TMEM260: variants seen among roughly 807,000 people sequenced by gnomAD.
TMEM260 encodes protein O-mannosyl-transferase TMEM260.
TMEM260 carries 82 observed loss-of-function variants against 88.9 expected under a neutral mutation model. The ratio of observed to expected loss-of-function variants is 0.92; its 90% CI spans 0.77 to 1.11. The LOEUF (loss-of-function observed/expected upper bound fraction) is 1.11, where lower values mean the gene tolerates loss of function less well. Ranked by LOEUF, TMEM260 falls within the 50% of genes least tolerant of loss-of-function variation. The pLI, the probability that TMEM260 is intolerant of heterozygous loss-of-function variation, is 0.00. For missense variants in TMEM260, 902 were observed against 853.4 expected, an observed-to-expected ratio of 1.06 and a Z score of -0.71; for synonymous variants, 314 against 309.3, an observed-to-expected ratio of 1.02 and a Z score of -0.16.
chr14:56,650,327 C>G (rs1890181356), downstream of TMEM260: 1 of 281,920 alleles, frequency 3.5e-6, no homozygotes, highest in Non-Finnish European at 7.0e-6. Flanking sequence ...CGCCCTGGCA[C>G]CAAGGCTGGC....
At chr14:56,644,988 G>C (rs1275096684) in intron 15 of TMEM260, among the ~76,000 whole-genome samples, 1 of 151,758 alleles carries the variant, frequency 6.6e-6, no homozygotes, top group African/African-American at 2.4e-5. Flanking sequence ...AAAAAGTCAG[G>C]AAACAACAGG....
At chr14:56,602,255 A>AT (rs1886623949) in intron 3 of TMEM260, among the ~76,000 whole-genome samples, 1 of 152,182 alleles carries the variant, frequency 6.6e-6, no homozygotes, top group Admixed American at 6.6e-5. Flanking sequence ...AAGAAGTAGG[A>AT]TTTAAATAAA....
At chr14:56,602,117 C>G (rs1044035656) in intron 3 of TMEM260, among the ~76,000 whole-genome samples, 4 of 151,946 alleles carry the variant, frequency 2.6e-5, no homozygotes, top group African/African-American at 7.3e-5. Context: ...CTAGATACTT[C>G]CAATATAAAT....
intron 15 of TMEM260, among the ~76,000 whole-genome samples, chr14:56,644,669 A>G (rs1259875593): frequency 6.6e-6 from 1 of 152,238 alleles, no homozygotes; most frequent in Non-Finnish European, 1.5e-5. Context: ...AATTAAACTT[A>G]AGAGCTTCTG....
In TMEM260 at chr14:56,579,960, G is replaced by A; in HGVS notation, c.46G>A (p.Val16Ile). The A allele has an allele frequency of 8.1e-7, 1 of 1,240,684 alleles. No individual in the cohort carries two copies. The highest frequency in any genetic ancestry group is 1.5e-5 in the African/African-American group (1 of 64,586). 76.9% of individuals were successfully genotyped at this position (1,240,684 alleles called of 1,614,324 possible). Reference sequence around the variant, plus strand: ...CAGGGGCCAGGCCCAGGGGCGGGCAGTCCGAGTGGGGCTGCGGCGCTCCGG... The same window carrying A: ...CAGGGGCCAGGCCCAGGGGCGGGCAATCCGAGTGGGGCTGCGGCGCTCCGG... ...DGRGQAQGRA[V>I]RVGLRRSGGI... is the part of the protein sequence containing the mutation. The change falls in exon 1 of 16, where the codon GTC becomes ATC. Residue 16 changes from valine (V) to isoleucine (I), a missense_variant. Val to Ile is a conservative substitution (Grantham distance 29). Transcript: ENST00000261556.
chr14:56,593,403 C>T (rs1594817020), intron 3 of TMEM260: 2 of 152,038 alleles, frequency 1.3e-5, no homozygotes, highest in South Asian at 2.1e-4. Flanking sequence ...ACACTGTGCT[C>T]TCCTGGAATG....
intron 3 of TMEM260, among the ~76,000 whole-genome samples, chr14:56,586,134 A>G (rs1180863337): frequency 6.6e-6 from 1 of 152,186 alleles, no homozygotes; most frequent in African/African-American, 2.4e-5. Flanking sequence ...CCAGTTCATT[A>G]TCACAGTTCT....
At chr14:56,601,850 C>G (rs1438900622) in intron 3 of TMEM260, among the ~76,000 whole-genome samples, 1 of 152,054 alleles carries the variant, frequency 6.6e-6, no homozygotes, top group Non-Finnish European at 1.5e-5. Flanking sequence ...TGTCATGCCC[C>G]CATCATTCTT....
chr14:56,635,098 AATC>A (rs1463171588), intron 14 of TMEM260, 146 bp downstream of exon 14: 1 of 675,602 alleles, frequency 1.5e-6, no homozygotes, highest in African/African-American at 1.8e-5. Context: ...GCACTGTACT[AATC>A]ATTATACATG....
intron 1 of TMEM260, 148 bp from the exon 2 acceptor site, chr14:56,584,853 C>G: frequency 1.6e-6 from 1 of 607,856 alleles, no homozygotes; most frequent in East Asian, 2.8e-5. Flanking sequence ...TATTCTTAGA[C>G]TATTTCATGC....
At chr14:56,579,789 C>T (rs939178759), upstream of TMEM260, 7 of 914,148 alleles carry the variant, frequency 7.7e-6, no homozygotes, top group African/African-American at 6.9e-5. Flanking sequence ...GTCCAACCCG[C>T]GGAGGCTCGA....
At chr14:56,661,045 C>T in the TMEM260 span, among the ~76,000 whole-genome samples, 1 of 152,196 alleles carries the variant, frequency 6.6e-6, no homozygotes, top group Non-Finnish European at 1.5e-5. Context: ...AGTGGGGACA[C>T]AACATAATAA....
intron 12 of TMEM260, among the ~76,000 whole-genome samples, chr14:56,627,579 TA>T (rs1269272708): frequency 3.9e-5 from 6 of 152,174 alleles, no homozygotes; most frequent in African/African-American, 1.4e-4. Flanking sequence ...AATTTTAAAT[TA>T]TTAGTATAGA....
intron 3 of TMEM260, among the ~76,000 whole-genome samples, chr14:56,602,411 G>A (rs191552507): frequency 6.6e-6 from 1 of 152,098 alleles, no homozygotes; most frequent in East Asian, 1.9e-4. Context: ...GAATGAGTGG[G>A]ATCCAGTTTA....
At chr14:56,591,344 CTTAATA>C (rs1212240691) in intron 3 of TMEM260, among the ~76,000 whole-genome samples, 1 of 152,156 alleles carries the variant, frequency 6.6e-6, no homozygotes, top group African/African-American at 2.4e-5. Context: ...CATAAGACTA[CTTAATA>C]TTAAATCTGT....
intron 3 of TMEM260, among the ~76,000 whole-genome samples, chr14:56,586,764 T>C (rs1885532122): frequency 6.6e-6 from 1 of 152,088 alleles, no homozygotes; most frequent in Admixed American, 6.5e-5. Context: ...CCAATATTTT[T>C]ATTTGTGTCA....
At chr14:56,632,907 T>C (rs1888725002) in intron 12 of TMEM260, 88 bp from the exon 13 acceptor site, 1 of 1,291,112 alleles carries the variant, frequency 7.7e-7, no homozygotes, top group African/African-American at 1.5e-5. Flanking sequence ...TGGGAAAAAA[T>C]CTAAAAATGA....
chr14:56,652,489 C>CAA (rs34203722), downstream of TMEM260, among the ~76,000 whole-genome samples: 931 of 115,086 alleles, frequency 8.1e-3, 10 homozygotes, highest in Non-Finnish European at 0.011. Flanking sequence ...CAGAGTGTCT[C>CAA]AAAAAAAAAA....
intron 15 of TMEM260, among the ~76,000 whole-genome samples, chr14:56,643,599 C>G: frequency 6.6e-6 from 1 of 152,230 alleles, no homozygotes; most frequent in Middle Eastern, 3.4e-3. Context: ...AAAACTGGCA[C>G]AAGACAGGGA....
Sources: gnomAD v4.1 joint callset for allele counts (sites outside exome capture counted in the v4.1 genomes callset) on GRCh38, gnomAD v4.1.1 for gene constraint, MANE v1.5 for transcripts, NCBI Gene and HGNC (gene_info 2026-07-23, HGNC 2026-07-21) for gene names.